The following NOD2 variants were observed in gnomAD, a reference collection of about 807,000 sequenced individuals.
NOD2 encodes the protein nucleotide-binding oligomerization domain-containing protein 2.
In NOD2, 86 loss-of-function variants were observed where a neutral mutation model predicts 90.9. That is an observed-to-expected ratio of 0.95 (90% CI 0.79 to 1.13). The LOEUF (loss-of-function observed/expected upper bound fraction) is 1.13. NOD2 is among the 50% of genes most tolerant of loss of function. NOD2 has a pLI of 0.00. For synonymous variants in NOD2, 581 were observed against 554.6 expected (o/e 1.05, Z -0.67); for missense variants, 1,238 against 1,283.8 (o/e 0.96, Z 0.55).
chr16:50,697,382 C>A, intron 1 of NOD2: 1 of 1,418,240 alleles, frequency 7.1e-7, no homozygotes, highest in Non-Finnish European at 9.8e-7. Flanking sequence ...TTGGCCGCGA[C>A]ATGCTCCCAG....
chr16:50,723,295 C>G lies in NOD2; in HGVS notation c.2718-6C>G. On this transcript the variant is annotated splice_polypyrimidine_tract_variant and splice_region_variant and intron_variant, in intron 8 of 11. Coordinates refer to ENST00000647318, the MANE Select transcript of NOD2 (RefSeq NM_001370466.1). ...TGACATACTTTTGTTCCATGATTACCTCCAGCCTGGTGGGGAACAACATTG... is the reference window on the plus strand; with the variant it reads ...TGACATACTTTTGTTCCATGATTACGTCCAGCCTGGTGGGGAACAACATTG... 6.2e-7 allele frequency: 1 copy of G among 1,613,592 alleles called. No individual in the cohort carries two copies. The highest frequency in any genetic ancestry group is 8.5e-7 in the Non-Finnish European group (1 of 1,179,730).
In NOD2 at chr16:50,716,597, A is replaced by G. The variant is rs1436148419; in HGVS notation, c.2392A>G (p.Asn798Asp). The change falls in exon 5 of 12, where the codon AAC (asparagine) becomes GAC (aspartate). Residue 798 changes from asparagine to aspartate, a missense_variant. By Grantham distance (23) the Asn-to-Asp change is conservative. Around this residue, in one of 3 missense-constraint regions of NOD2, gnomAD observed 667 missense variants for 688.7 expected, o/e 0.97. Transcript: ENST00000647318. ...ATTTTGTCTCTTTAGTTTGCGCGATAACAATATCTCAGACCGAGGCATCTG... is the reference window on the plus strand; with the variant it reads ...ATTTTGTCTCTTTAGTTTGCGCGATGACAATATCTCAGACCGAGGCATCTG... ...GVCKALYLRD[N>D]NISDRGICKL... The G allele has an allele frequency of 9.3e-6, 15 of 1,614,074 alleles. No homozygotes were observed. The highest frequency in any genetic ancestry group is 1.3e-5 in the Non-Finnish European group (15 of 1,179,950).
At chr16:50,702,384 A>G (rs759817020) in intron 2 of NOD2, among the ~76,000 whole-genome samples, 9 of 152,214 alleles carry the variant, frequency 5.9e-5, no homozygotes, top group Non-Finnish European at 1.3e-4. Flanking sequence ...AAAGGATTGC[A>G]CTGCCTGAGG....
intron 9 of NOD2, among the ~76,000 whole-genome samples, chr16:50,723,975 GGAGCAC>G (rs1348626778): frequency 4.6e-5 from 7 of 152,118 alleles, no homozygotes; most frequent in African/African-American, 1.7e-4. Flanking sequence ...TGAGTTCCTA[GGAGCAC>G]TGGGTATTCA....
chr16:50,725,391 T>G, intron 9 of NOD2, 98 bp from the exon 10 acceptor site: 1 of 907,680 alleles, frequency 1.1e-6, no homozygotes, highest in Non-Finnish European at 1.8e-6. Flanking sequence ...TGAGTTTGGG[T>G]TTTCAGATGT....
At position 50,699,384 on chromosome 16, in the gene NOD2, T is replaced by A. The variant is rs1963815739; in HGVS notation, c.-8-104T>A. Reference sequence around the variant, plus strand: ...TGGGTAATGTCTGAGGCTAGAACCATGGCCAACTCGGGTTCTGCTGGGGCT... The same window carrying A: ...TGGGTAATGTCTGAGGCTAGAACCAAGGCCAACTCGGGTTCTGCTGGGGCT... On this transcript the variant is annotated intron_variant, in intron 1 of 11. Coordinates refer to ENST00000647318, the MANE Select transcript of NOD2 (RefSeq NM_001370466.1). The A allele has an allele frequency of 5.5e-6, 5 of 910,668 alleles. No homozygotes were observed. The Admixed American group carries it at 8.7e-5, about 16-fold the overall frequency. 56.4% of individuals were successfully genotyped at this position (910,668 alleles called of 1,614,324 possible).
chr16:50,708,824 G>T (rs1423068424), intron 3 of NOD2, among the ~76,000 whole-genome samples: 1 of 152,224 alleles, frequency 6.6e-6, no homozygotes, highest in Non-Finnish European at 1.5e-5. Flanking sequence ...GGAAGTCTGT[G>T]CCTGGCACTC....
intron 2 of NOD2, 118 bp from the exon 3 acceptor site, chr16:50,707,737 T>C: frequency 1.2e-6 from 1 of 801,964 alleles, no homozygotes; most frequent in Non-Finnish European, 2.2e-6. Context: ...CGGTTGTTTT[T>C]TTGACCTTTT....
intron 10 of NOD2, among the ~76,000 whole-genome samples, chr16:50,727,078 T>C (rs1465301989): frequency 1.3e-5 from 2 of 148,510 alleles, no homozygotes; most frequent in African/African-American, 5.0e-5. Context: ...AGGTGGAGGT[T>C]GCCATGAGCC....
rs34939799 is a variant in NOD2, at chr16:50,700,057, C to T, written c.459+103C>T. 2.8e-3 allele frequency: 3,178 copies of T among 1,147,900 alleles called. 71 individuals are homozygous for T. The African/African-American group carries it at 0.043, about 15-fold the overall frequency. 71.1% of individuals were successfully genotyped at this position (1,147,900 alleles called of 1,614,324 possible). On this transcript the variant is annotated intron_variant, in intron 2 of 11. Coordinates refer to ENST00000647318, the MANE Select transcript of NOD2 (RefSeq NM_001370466.1). ...AGTCAGCCTGTGGGGTAACTTGGTC[C>T]ATGGGATTTCCCCTAAAAAGGTAGC...
intron 8 of NOD2, 152 bp from the exon 9 acceptor site, chr16:50,723,149 A>AG (rs1308318695): frequency 1.6e-6 from 1 of 634,464 alleles, no homozygotes; most frequent in Admixed American, 2.8e-5. Flanking sequence ...GAAAAAAAAA[A>AG]AAAAAGAAAA....
chr16:50,728,439 C>G, intron 10 of NOD2: 1 of 247,008 alleles, frequency 4.0e-6, no homozygotes, highest in Non-Finnish European at 8.2e-6. Flanking sequence ...TGTCTAACAT[C>G]ATTTTCATAG....
Position 50,710,717 on chromosome 16 carries a change from C to T in NOD2, c.725C>T (p.Pro242Leu), listed in dbSNP as rs774703072. 2.3e-5 allele frequency: 37 copies of T among 1,613,668 alleles called. No individual in the cohort carries two copies. Among genetic ancestry groups the T allele is most frequent in the East Asian group, 8.9e-5 (4 of 44,878 alleles). Residue 242 changes from proline (P) to leucine (L), a missense_variant, in exon 4 of 12, where the codon CCG becomes CTG. Around this residue, in one of 3 missense-constraint regions of NOD2, gnomAD observed 567 missense variants for 577.3 expected, o/e 0.98. Coordinates refer to ENST00000647318, the MANE Select transcript of NOD2 (RefSeq NM_001370466.1). The part of the protein sequence containing the change: ...VWADVGMAGP[P>L]QKSPATLGLE... Reference sequence around the variant, plus strand: ...GCAGATGTGGGCATGGCTGGACCCCCGCAGAAGAGCCCAGCCACCCTGGGC... The same window carrying T: ...GCAGATGTGGGCATGGCTGGACCCCTGCAGAAGAGCCCAGCCACCCTGGGC...
chr16:50,705,209 A>T (rs984843963), intron 2 of NOD2, among the ~76,000 whole-genome samples: 26 of 152,154 alleles, frequency 1.7e-4, no homozygotes, highest in African/African-American at 6.3e-4. Context: ...GGTTTGACTG[A>T]TTCTTTTTTG....
At position 50,715,410 on chromosome 16, in the gene NOD2, A is replaced by G. The variant is rs111719717; in HGVS notation, c.2382-1177A>G. On this transcript the variant is annotated intron_variant, in intron 4 of 11. Coordinates refer to ENST00000647318, the MANE Select transcript of NOD2 (RefSeq NM_001370466.1). ...ACAGCCTGGTGAGGCTGATAATACT[A>G]TTGTTCCCTCTTTTTTTTTTTTTGA... 1.8e-3 allele frequency among the ~76,000 whole-genome samples: 264 copies of G among 143,580 alleles called. 1 individual carries two copies. Among genetic ancestry groups the G allele is most frequent in the African/African-American group, 6.5e-3 (252 of 38,478 alleles). 94.2% of individuals were successfully genotyped at this position (143,580 alleles called of 152,430 possible).
In NOD2 at chr16:50,711,968, A is replaced by G. The variant is rs201709367; in HGVS notation, c.1976A>G (p.His659Arg). 1 of 1,613,310 alleles carries G rather than the reference A, an allele frequency of 6.2e-7. No individual in the cohort carries two copies. The highest frequency in any genetic ancestry group is 2.2e-5 in the East Asian group (1 of 44,894). Residue 659 changes from histidine (H) to arginine (R), a missense_variant, in exon 4 of 12, where the codon CAC becomes CGC. His to Arg is a conservative substitution (Grantham distance 29). This residue lies in a region of NOD2 where 667 missense variants were observed against 688.7 expected (regional missense o/e 0.97). Transcript: ENST00000647318. ...AFLAGLLSRE[H>R]WGLLAECQTS... The stretch of plus-strand genomic sequence containing the variant: ...CTGGCAGGGCTGTTGTCCCGGGAGC[A>G]CTGGGGCCTGCTGGCTGAGTGCCAG...
chr16:50,711,699 G>A lies in NOD2; in HGVS notation c.1707G>A (p.Thr569=), dbSNP rs104895437. 678 of 1,613,900 alleles carry A rather than the reference G, an allele frequency of 4.2e-4. No homozygotes were observed. The highest frequency in any genetic ancestry group is 2.1e-3 in the African/African-American group (154 of 75,050). ...VRAKGVVPGS[T]APLEFLHITF... is the part of the protein sequence containing the mutation. ...CCAAAGGTGTCGTGCCAGGGAGTACGGCGCCCCTGGAATTCCTTCACATCA... is the reference window on the plus strand; with the variant it reads ...CCAAAGGTGTCGTGCCAGGGAGTACAGCGCCCCTGGAATTCCTTCACATCA... Residue 569 remains threonine (T), a synonymous_variant, in exon 4 of 12, where the codon ACG becomes ACA. Coordinates refer to ENST00000647318, the MANE Select transcript of NOD2 (RefSeq NM_001370466.1).
At chr16:50,700,605 G>A (rs189031685) in intron 2 of NOD2, among the ~76,000 whole-genome samples, 86 of 152,292 alleles carry the variant, frequency 5.6e-4, no homozygotes, top group African/African-American at 2.0e-3. Flanking sequence ...GTCAAATGGT[G>A]CCTATCCTAT....
chr16:50,707,732 GT>G, intron 2 of NOD2, 122 bp from the exon 3 acceptor site: 3 of 778,068 alleles, frequency 3.9e-6, no homozygotes, highest in Non-Finnish European at 7.0e-6. Context: ...TTGTTCGGTT[GT>G]TTTTTTGACC....
Sources: gnomAD v4.1 joint callset for allele counts (sites outside exome capture counted in the v4.1 genomes callset) on GRCh38, gnomAD v4.1.1 for gene constraint, gnomAD v4.1.1 regional missense constraint, MANE v1.5 for transcripts, NCBI Gene and HGNC (gene_info 2026-07-23, HGNC 2026-07-21) for gene names.